Variants in ABCB7 observed in about 807,000 individuals in gnomAD.
ABCB7 encodes the protein ATP binding cassette subfamily B member 7.
A neutral mutation model predicts 54.4 loss-of-function variants in ABCB7; 7 were observed. That is an observed-to-expected ratio of 0.13 (90% CI 0.07 to 0.24). ABCB7 has a LOEUF of 0.24. ABCB7 is among the 10% of genes least tolerant of loss of function. The pLI is 1.00. For synonymous variants in ABCB7, 218 were observed against 207.1 expected, an observed-to-expected ratio of 1.05 and a Z score of -0.45; for missense variants, 356 against 570.4, an observed-to-expected ratio of 0.62 and a Z score of 3.83.
intron 1 of ABCB7, among the ~76,000 whole-genome samples, chrX:75,140,898 A>G: frequency 9.0e-6 from 1 of 111,527 alleles, no homozygotes; most frequent in Non-Finnish European, 1.9e-5. Flanking sequence ...ATACCACCAA[A>G]TCTCTCTATT....
At chrX:75,104,047 G>GTTTTTTTTGTTT (rs2081664100) in intron 3 of ABCB7, among the ~76,000 whole-genome samples, 2 of 13,443 alleles carry the variant, frequency 1.5e-4, no homozygotes, top group Non-Finnish European at 3.5e-4. Flanking sequence ...TCTTGTTACA[G>GTTTTTTTTGTTT]TTTTTTTTTT....
At chrX:75,080,688 T>C (rs1246911103) in intron 4 of ABCB7, among the ~76,000 whole-genome samples, 1 of 111,807 alleles carries the variant, frequency 8.9e-6, no homozygotes, top group East Asian at 2.8e-4. Context: ...TATCATTTTT[T>C]TAAATTTCAA....
At chrX:75,120,032 T>C (rs906549224) in intron 1 of ABCB7, among the ~76,000 whole-genome samples, 5 of 111,986 alleles carry the variant, frequency 4.5e-5, no homozygotes, top group African/African-American at 1.6e-4. Context: ...AAAATGTTTA[T>C]GAATATCAAA....
intron 1 of ABCB7, among the ~76,000 whole-genome samples, chrX:75,121,051 G>C (rs1017664110): frequency 1.8e-5 from 2 of 110,604 alleles, no homozygotes; most frequent in Admixed American, 9.6e-5. Context: ...CACTTTGGGA[G>C]GCTGAGGCGG....
intron 1 of ABCB7, among the ~76,000 whole-genome samples, chrX:75,127,747 C>A (rs1385573976): frequency 1.8e-5 from 2 of 112,048 alleles, no homozygotes; most frequent in Non-Finnish European, 3.8e-5. Context: ...AAAATCACAA[C>A]CATTCCTGTG....
intron 3 of ABCB7, among the ~76,000 whole-genome samples, chrX:75,099,593 C>T (rs1342715263): frequency 2.7e-5 from 3 of 111,049 alleles, no homozygotes; most frequent in Non-Finnish European, 5.7e-5. Context: ...CTCACAAATG[C>T]AATTTTCCAA....
chrX:75,076,011 G>C (rs1174157654), intron 5 of ABCB7, among the ~76,000 whole-genome samples: 1 of 111,250 alleles, frequency 9.0e-6, no homozygotes, highest in South Asian at 3.8e-4. Flanking sequence ...CAAGTGCCTT[G>C]ACTAAAGGCA....
intron 1 of ABCB7, among the ~76,000 whole-genome samples, chrX:75,134,943 C>T (rs1297315789): frequency 2.7e-5 from 3 of 110,634 alleles, no homozygotes; most frequent in South Asian, 7.6e-4. Context: ...AAACTAACAT[C>T]AATGCTAGCA....
intron 6 of ABCB7, 117 bp from the exon 7 acceptor site, chrX:75,074,073 A>C: frequency 1.7e-6 from 1 of 594,785 alleles, no homozygotes. Context: ...GGTGGCGTGA[A>C]GTTATGTACG....
intron 12 of ABCB7, among the ~76,000 whole-genome samples, chrX:75,067,966 T>C (rs2081334748): frequency 8.9e-6 from 1 of 111,847 alleles, no homozygotes; most frequent in Non-Finnish European, 1.9e-5. Context: ...ATACGATTTA[T>C]TTTTTAAATT....
chrX:75,152,699 G>A (rs191408279), intron 1 of ABCB7, among the ~76,000 whole-genome samples: 43 of 107,049 alleles, frequency 4.0e-4, no homozygotes, highest in Middle Eastern at 9.7e-3. Context: ...TCGCTCTGTC[G>A]CCCAGGCTGG....
chrX:75,150,877 T>G (rs1325887598), intron 1 of ABCB7, among the ~76,000 whole-genome samples: 1 of 111,311 alleles, frequency 9.0e-6, no homozygotes, highest in Non-Finnish European at 1.9e-5. Context: ...TTAATCAAAA[T>G]TTTGATGTAA....
intron 1 of ABCB7, among the ~76,000 whole-genome samples, chrX:75,145,356 C>T (rs765577375): frequency 1.8e-5 from 2 of 111,262 alleles, no homozygotes; most frequent in Admixed American, 1.9e-4. Context: ...CCAAATCCAT[C>T]AGCACATCAA....
At chrX:75,115,619 G>A (rs1228875221) in intron 1 of ABCB7, among the ~76,000 whole-genome samples, 2 of 108,099 alleles carry the variant, frequency 1.9e-5, no homozygotes, top group Non-Finnish European at 3.8e-5. Context: ...CTGGTCACAA[G>A]ATCAGTTTTG....
At chrX:75,137,239 A>C (rs193266340) in intron 1 of ABCB7, among the ~76,000 whole-genome samples, 5 of 112,636 alleles carry the variant, frequency 4.4e-5, no homozygotes, top group Admixed American at 9.4e-5. Context: ...GACACTTCTC[A>C]AATGAAAACA....
intron 15 of ABCB7, 52 bp from the exon 16 acceptor site, chrX:75,053,637 A>G: frequency 8.6e-7 from 1 of 1,157,406 alleles, no homozygotes; most frequent in Non-Finnish European, 1.2e-6. Flanking sequence ...AACTAGCATA[A>G]TAACTGAAAA....
At position 75,065,200 on chromosome X, in the gene ABCB7, T is replaced by G. The variant is rs1231403428; in HGVS notation, c.1701A>C (p.Leu567Phe). The G allele has an allele frequency of 8.3e-7, 1 of 1,207,052 alleles. No individual in the cohort carries two copies. The highest frequency in any genetic ancestry group is 2.2e-5 in the Admixed American group (1 of 45,594). ...LFHNTIYYNL[L>F]YGNISASPEE... ...CAGGTGAAGCACTGATGTTTCCATA[T>G]AAGAGGTTGTAATAAATAGTATTAT... Residue 567 changes from leucine to phenylalanine, a missense_variant, in exon 13 of 16, where the codon TTA becomes TTC. Coordinates refer to ENST00000373394, the MANE Select transcript of ABCB7 (RefSeq NM_001271696.3).
At chrX:75,071,448 C>T (rs1240591355) in intron 9 of ABCB7, 61 bp downstream of exon 9, 1 of 1,142,768 alleles carries the variant, frequency 8.8e-7, no homozygotes, top group East Asian at 3.0e-5. Flanking sequence ...ACATTCCTTT[C>T]ATTAATCTTT....
chrX:75,141,546 G>T (rs1274117452), intron 1 of ABCB7, among the ~76,000 whole-genome samples: 1 of 111,410 alleles, frequency 9.0e-6, no homozygotes. Context: ...TTGGTGAACT[G>T]ATGGCTGAAC....
Sources: allele counts gnomAD v4.1 joint callset (sites outside exome capture counted in the v4.1 genomes callset), GRCh38; gene constraint gnomAD v4.1.1; transcripts MANE v1.5; gene names NCBI Gene and HGNC (gene_info 2026-07-23, HGNC 2026-07-21).